The following DHRSX variants were observed in gnomAD, a reference collection of about 807,000 sequenced individuals.
DHRSX encodes the protein polyprenol dehydrogenase.
A neutral mutation model predicts 34.0 loss-of-function variants in DHRSX; 31 were observed. The ratio of observed to expected loss-of-function variants is 0.91; its 90% confidence interval spans 0.69 to 1.23. DHRSX has a LOEUF of 1.23. DHRSX is among the 50% of genes most tolerant of loss of function. The pLI, the probability that DHRSX is intolerant of heterozygous loss-of-function variation, is 0.00. For synonymous variants in DHRSX, 201 were observed against 183.8 expected (o/e 1.09, Z -0.76); for missense variants, 414 against 428.1 (o/e 0.97, Z 0.29).
chrX:2,441,737 T>C (rs1254596746), intron 1 of DHRSX, among the ~76,000 whole-genome samples: 1 of 152,078 alleles, frequency 6.6e-6, no homozygotes, highest in Non-Finnish European at 1.5e-5. Context: ...GAAAATCTCA[T>C]TATTGGGTAC....
chrX:2,371,233 C>CCATTACCATAGTCCCTCCT (rs2043056101), intron 3 of DHRSX, among the ~76,000 whole-genome samples: 1 of 75,708 alleles, frequency 1.3e-5, no homozygotes, highest in Non-Finnish European at 5.0e-5. Flanking sequence ...GTAGTCCCTC[C>CCATTACCATAGTCCCTCCT]CCATTACCAT....
intron 3 of DHRSX, among the ~76,000 whole-genome samples, chrX:2,324,509 G>A (rs2042352899): frequency 6.6e-6 from 1 of 152,090 alleles, no homozygotes; most frequent in Non-Finnish European, 1.5e-5. Context: ...CCCTTGAGCT[G>A]CTTGACCTGT....
intron 2 of DHRSX, among the ~76,000 whole-genome samples, chrX:2,419,410 C>T (rs1442248056): frequency 2.6e-5 from 4 of 152,042 alleles, no homozygotes; most frequent in South Asian, 4.1e-4. Context: ...GTCAGTGTGG[C>T]GATTCCTCAG....
At chrX:2,242,904 G>A (rs1239372348) in intron 6 of DHRSX, 119 bp downstream of exon 6, 26 of 964,800 alleles carry the variant, frequency 2.7e-5, no homozygotes, top group South Asian at 2.4e-4. Context: ...CCACTGAGCC[G>A]TCCTGAATTC....
intron 6 of DHRSX, among the ~76,000 whole-genome samples, chrX:2,234,645 G>C (rs769284650): frequency 1.3e-5 from 2 of 152,356 alleles, no homozygotes; most frequent in East Asian, 3.9e-4. Flanking sequence ...TCATATCAAA[G>C]AATGAAATCA....
In DHRSX at chrX:2,485,331, C is replaced by T. The variant is rs142076512; in HGVS notation, c.109+15486G>A. 4.4e-3 allele frequency among the ~76,000 whole-genome samples: 668 copies of T among 152,000 alleles called. 3 individuals are homozygous for T. Among genetic ancestry groups the T allele is most frequent in the Non-Finnish European group, 6.9e-3 (471 of 67,988 alleles). On this transcript the variant is annotated intron_variant, in intron 1 of 6. Coordinates refer to ENST00000334651, the MANE Select transcript of DHRSX (RefSeq NM_145177.3). ...AAAATGAACCCCTTTCAACCCAAAA[C>T]GTGCAAGAAAGAGAAATTTCGGCAT...
intron 3 of DHRSX, among the ~76,000 whole-genome samples, chrX:2,353,058 A>G (rs1377002946): frequency 6.6e-6 from 1 of 152,058 alleles, no homozygotes; most frequent in African/African-American, 2.4e-5. Flanking sequence ...CCTGGGACAA[A>G]TGGCAAAACC....
At chrX:2,479,455 C>A (rs2044735699) in intron 1 of DHRSX, among the ~76,000 whole-genome samples, 1 of 151,940 alleles carries the variant, frequency 6.6e-6, no homozygotes, top group Non-Finnish European at 1.5e-5. Context: ...CCTGTGCACA[C>A]TGAAGACATT....
At chrX:2,485,816 G>A (rs1470203335) in intron 1 of DHRSX, among the ~76,000 whole-genome samples, 3 of 74,198 alleles carry the variant, frequency 4.0e-5, no homozygotes, top group South Asian at 7.5e-4. Flanking sequence ...GGAAGGGAGA[G>A]AAGGAAGGAA....
chrX:2,275,635 A>G (rs772626355), intron 4 of DHRSX, among the ~76,000 whole-genome samples: 2 of 151,900 alleles, frequency 1.3e-5, no homozygotes, highest in South Asian at 2.1e-4. Flanking sequence ...TTTTGATCCA[A>G]AATTAATTAT....
At chrX:2,316,434 C>A (rs999788110) in intron 3 of DHRSX, among the ~76,000 whole-genome samples, 5 of 152,114 alleles carry the variant, frequency 3.3e-5, no homozygotes, top group African/African-American at 9.6e-5. Flanking sequence ...CGCCTGTAAT[C>A]CCAGCTACTT....
chrX:2,485,069 A>C (rs962299765), intron 1 of DHRSX, among the ~76,000 whole-genome samples: 2 of 152,192 alleles, frequency 1.3e-5, no homozygotes, highest in Non-Finnish European at 2.9e-5. Context: ...AAACAAAAAC[A>C]ACCAGCTCAG....
chrX:2,231,981 CTCTATTCCTCCCTTTTT>C (rs2015901988), intron 6 of DHRSX, among the ~76,000 whole-genome samples: 1 of 149,026 alleles, frequency 6.7e-6, no homozygotes, highest in Non-Finnish European at 1.5e-5. Context: ...CTTTCCTTTT[CTCTATTCCTCCCTTTTT>C]CCTCCTCCTT....
In DHRSX at chrX:2,220,564, C is replaced by T. The variant is rs1285870019; in HGVS notation, c.*477G>A. ...ATCCTACAGGCTGTAGCAAGCAAGG[C>T]TCACACCTCCCCATGTCTGACACCT... is the stretch of plus-strand genomic sequence containing the variant. On this transcript the variant is annotated 3_prime_UTR_variant, in exon 7 of 7. Transcript: ENST00000334651. 6.3e-6 allele frequency: 1 copy of T among 158,286 alleles called. No individual in the cohort carries two copies. The highest frequency in any genetic ancestry group is 2.4e-5 in the African/African-American group (1 of 41,544). The allele number at this position is 158,286 out of a possible 1,614,324, so 9.8% of individuals were successfully genotyped here. A position where few individuals can be genotyped will look rare whatever the true frequency, so the allele number is the denominator to read the frequency against.
chrX:2,263,671 G>T (rs755218217), intron 5 of DHRSX, among the ~76,000 whole-genome samples: 1 of 151,418 alleles, frequency 6.6e-6, no homozygotes, highest in Admixed American at 6.6e-5. Flanking sequence ...CCACCACCAC[G>T]CCTGGCTAAT....
At chrX:2,291,403 A>G in intron 4 of DHRSX, 99 bp downstream of exon 4, 2 of 888,816 alleles carry the variant, frequency 2.3e-6, no homozygotes, top group Non-Finnish European at 3.7e-6. Context: ...ATTCCCATGG[A>G]TATCCTGTTT....
chrX:2,357,567 C>T (rs2042871549), intron 3 of DHRSX, among the ~76,000 whole-genome samples: 6 of 151,982 alleles, frequency 3.9e-5, no homozygotes, highest in South Asian at 4.2e-4. Flanking sequence ...AAGAGCTCTT[C>T]GTCAATGTGA....
At chrX:2,304,204 A>ACGG (rs2042067645) in intron 3 of DHRSX, among the ~76,000 whole-genome samples, 2 of 62,048 alleles carry the variant, frequency 3.2e-5, no homozygotes, top group Non-Finnish European at 5.8e-5. Context: ...TGGATGGATA[A>ACGG]ATGGATGGAT....
intron 3 of DHRSX, among the ~76,000 whole-genome samples, chrX:2,405,226 C>A (rs767729631): frequency 6.6e-6 from 1 of 152,284 alleles, no homozygotes; most frequent in Non-Finnish European, 1.5e-5. Context: ...CGGTGGCTCA[C>A]ACCGGTCATC....
Sources: gnomAD v4.1 joint callset for allele counts (sites outside exome capture counted in the v4.1 genomes callset) on GRCh38, gnomAD v4.1.1 for gene constraint, MANE v1.5 for transcripts, NCBI Gene and HGNC (gene_info 2026-07-23, HGNC 2026-07-21) for gene names.